Variants in ACACA observed in about 807,000 individuals in gnomAD.
ACACA encodes acetyl-CoA carboxylase 1.
In ACACA, 103 loss-of-function variants were observed where a neutral mutation model predicts 296.1. The observed-to-expected ratio is 0.35, with a 90% confidence interval of 0.30 to 0.41. The LOEUF is 0.41. ACACA is among the 10% of genes least tolerant of loss of function. ACACA has a pLI of 1.00. For missense variants in ACACA, 1,554 were observed against 2,989.7 expected, an observed-to-expected ratio of 0.52 and a Z score of 11.20; for synonymous variants, 953 against 1,038.6, an observed-to-expected ratio of 0.92 and a Z score of 1.58.
At chr17:37,383,062 C>G (rs75361330) in intron 1 of ACACA, among the ~76,000 whole-genome samples, 2,703 of 152,174 alleles carry the variant, frequency 0.018, 79 homozygotes, top group African/African-American at 0.062. Flanking sequence ...TCAAAAGACT[C>G]TGGCAGGGTT....
At chr17:37,346,601 C>G (rs2048631328) in intron 1 of ACACA, among the ~76,000 whole-genome samples, 1 of 149,664 alleles carries the variant, frequency 6.7e-6, no homozygotes, top group Non-Finnish European at 1.5e-5. Flanking sequence ...ACTCAGGAGG[C>G]TGAGGCAGGA....
intron 54 of ACACA, among the ~76,000 whole-genome samples, 168 bp from the exon 55 acceptor site, chr17:37,089,242 G>A (rs1216949701): frequency 6.6e-6 from 1 of 152,192 alleles, no homozygotes; most frequent in Non-Finnish European, 1.5e-5. Context: ...CGAGGCAGGA[G>A]CTGTGCCCCT....
At chr17:37,405,687 G>A (rs927094507) in intron 1 of ACACA, among the ~76,000 whole-genome samples, 2 of 151,864 alleles carry the variant, frequency 1.3e-5, no homozygotes, top group African/African-American at 4.8e-5. Flanking sequence ...GGAGTAGCTG[G>A]GATTACAGGT....
At chr17:37,312,784 C>T (rs937638583) in intron 3 of ACACA, among the ~76,000 whole-genome samples, 3 of 151,814 alleles carry the variant, frequency 2.0e-5, no homozygotes, top group East Asian at 3.9e-4. Flanking sequence ...GTCAGCATTT[C>T]GAAAGGCCAA....
chr17:37,361,698 C>T (rs529210303), intron 1 of ACACA, among the ~76,000 whole-genome samples: 27 of 152,282 alleles, frequency 1.8e-4, no homozygotes, highest in African/African-American at 6.3e-4. Context: ...CTGAGTGTTA[C>T]GGTGTTTGGT....
intron 1 of ACACA, chr17:37,392,350 G>A (rs778111602): frequency 6.6e-6 from 1 of 152,230 alleles, no homozygotes; most frequent in East Asian, 1.9e-4. Flanking sequence ...TCCTAAGGTG[G>A]CTCTGATATT....
chr17:37,129,791 A>G (rs113042882), intron 46 of ACACA, among the ~76,000 whole-genome samples: 1 of 152,206 alleles, frequency 6.6e-6, no homozygotes, highest in African/African-American at 2.4e-5. Context: ...ACCCACAATG[A>G]GGAGGAACCT....
intron 52 of ACACA, among the ~76,000 whole-genome samples, chr17:37,099,679 C>G (rs1454055439): frequency 9.3e-5 from 13 of 140,496 alleles, no homozygotes; most frequent in Non-Finnish European, 1.7e-4. Context: ...GGGCTGATGG[C>G]AAGAGGGCTG....
intron 29 of ACACA, among the ~76,000 whole-genome samples, chr17:37,211,099 G>A (rs1289849300): frequency 6.6e-6 from 1 of 152,130 alleles, no homozygotes; most frequent in Non-Finnish European, 1.5e-5. Flanking sequence ...GAGCAGGGGG[G>A]AAGGTACTGT....
intron 12 of ACACA, 134 bp downstream of exon 12, chr17:37,259,226 C>A (rs978491992): frequency 1.9e-6 from 2 of 1,030,648 alleles, no homozygotes; most frequent in Admixed American, 1.7e-5. Context: ...ATAACACATA[C>A]AGGGTGAAAG....
chr17:37,336,600 G>A (rs1036839240), intron 2 of ACACA, among the ~76,000 whole-genome samples: 2 of 152,144 alleles, frequency 1.3e-5, no homozygotes, highest in Non-Finnish European at 2.9e-5. Flanking sequence ...CCAGGCATTC[G>A]AGCCAGCTAC....
At chr17:37,339,936 G>A in intron 1 of ACACA, 86 bp from the exon 2 acceptor site, 7 of 705,546 alleles carry the variant, frequency 9.9e-6, no homozygotes, top group South Asian at 1.7e-5. Context: ...ATAATACAAA[G>A]GTAATAATAT....
At chr17:37,204,807 T>A (rs1484099939) in intron 33 of ACACA, among the ~76,000 whole-genome samples, 1 of 152,198 alleles carries the variant, frequency 6.6e-6, no homozygotes, top group Non-Finnish European at 1.5e-5. Flanking sequence ...AGTCTCTCAA[T>A]AGGCTGATGA....
intron 1 of ACACA, among the ~76,000 whole-genome samples, chr17:37,361,136 T>TC (rs1278550893): frequency 1.3e-5 from 2 of 151,788 alleles, no homozygotes; most frequent in African/African-American, 2.4e-5. Flanking sequence ...CCTCCCAGGT[T>TC]CAAGCCATTC....
At chr17:37,394,722 A>G (rs1233097173) in intron 1 of ACACA, among the ~76,000 whole-genome samples, 1 of 149,924 alleles carries the variant, frequency 6.7e-6, no homozygotes, top group Non-Finnish European at 1.5e-5. Context: ...TAAAAAAAAA[A>G]AAAAGAAAAA....
chr17:37,294,007 G>A (rs916767150), intron 3 of ACACA, among the ~76,000 whole-genome samples: 24 of 151,524 alleles, frequency 1.6e-4, no homozygotes, highest in Admixed American at 3.9e-4. Flanking sequence ...AATAGCCAGC[G>A]AACATAAGGT....
At chr17:37,359,110 C>G in intron 1 of ACACA, 1 of 985,552 alleles carries the variant, frequency 1.0e-6, no homozygotes, top group Non-Finnish European at 1.2e-6. Context: ...CGTGCAGCAC[C>G]AGGCCGGCCC....
At chr17:37,234,596 G>A (rs2145846995) in intron 25 of ACACA, among the ~76,000 whole-genome samples, 1 of 152,142 alleles carries the variant, frequency 6.6e-6, no homozygotes, top group East Asian at 1.9e-4. Flanking sequence ...TTTGACATGA[G>A]AGCCATTGCT....
At chr17:37,229,923 T>C (rs188750620) in intron 25 of ACACA, among the ~76,000 whole-genome samples, 3 of 150,424 alleles carry the variant, frequency 2.0e-5, no homozygotes, top group African/African-American at 7.3e-5. Flanking sequence ...AAAAATTAGC[T>C]GGGCGTGGTG....
Sources: gnomAD v4.1 joint callset for allele counts (sites outside exome capture counted in the v4.1 genomes callset) on GRCh38, gnomAD v4.1.1 for gene constraint, MANE v1.5 for transcripts, NCBI Gene and HGNC (gene_info 2026-07-23, HGNC 2026-07-21) for gene names.